MAP3K9: variants seen among roughly 807,000 people sequenced by gnomAD.
MAP3K9 encodes the protein mixed lineage kinase 1 (tyr and ser/thr specificity).
A neutral mutation model predicts 95.8 loss-of-function variants in MAP3K9; 46 were observed. The ratio of observed to expected loss-of-function variants is 0.48; its 90% CI spans 0.38 to 0.61. The LOEUF (loss-of-function observed/expected upper bound fraction) is 0.61, where lower values mean the gene tolerates loss of function less well. MAP3K9 is among the 20% of genes least tolerant of loss of function. MAP3K9 has a pLI of 0.00. For synonymous variants in MAP3K9, 533 were observed against 593.8 expected, an observed-to-expected ratio of 0.90 and a Z score of 1.49; for missense variants, 1,296 against 1,474.3, an observed-to-expected ratio of 0.88 and a Z score of 1.98.
Position 70,809,210 on chromosome 14 carries a change from C to T in MAP3K9, c.-39G>A. ...CATAGGGTGCGGGGCCGCCGCCGCC[C>T]GCAGGAGCCGCCGCCGCCTATTGTT... On this transcript the variant is annotated 5_prime_UTR_variant, in exon 1 of 12. Transcript: ENST00000554752. 2.3e-6 allele frequency: 3 copies of T among 1,280,398 alleles called. No homozygotes were observed. Among genetic ancestry groups the T allele is most frequent in the South Asian group, 2.9e-5 (1 of 34,792 alleles). 79.3% of individuals were successfully genotyped at this position (1,280,398 alleles called of 1,614,324 possible). A position where few individuals can be genotyped will look rare whatever the true frequency, so the allele number is the denominator to read the frequency against.
chr14:70,760,092 T>C (rs2054350992), intron 3 of MAP3K9, among the ~76,000 whole-genome samples: 1 of 151,668 alleles, frequency 6.6e-6, no homozygotes, highest in Non-Finnish European at 1.5e-5. Context: ...GGATTAGCTT[T>C]ACGGTATGTG....
chr14:70,762,503 G>C (rs2054389679), intron 2 of MAP3K9, among the ~76,000 whole-genome samples: 1 of 152,076 alleles, frequency 6.6e-6, no homozygotes, highest in Non-Finnish European at 1.5e-5. Context: ...TAATGATATT[G>C]AACATCTATC....
At chr14:70,736,160 C>G in intron 8 of MAP3K9, 131 bp from the exon 9 acceptor site, 1 of 705,988 alleles carries the variant, frequency 1.4e-6, no homozygotes, top group East Asian at 2.7e-5. Flanking sequence ...AGACACAAAG[C>G]CCACACCATG....
chr14:70,780,797 G>C (rs2054665010), intron 2 of MAP3K9, among the ~76,000 whole-genome samples: 1 of 152,186 alleles, frequency 6.6e-6, no homozygotes, highest in Non-Finnish European at 1.5e-5. Flanking sequence ...AGAGCTGCCA[G>C]ATCTCCGTCA....
intron 6 of MAP3K9, 78 bp downstream of exon 6, chr14:70,742,273 T>G: frequency 1.3e-6 from 2 of 1,550,918 alleles, no homozygotes; most frequent in South Asian, 2.5e-5. Context: ...CCAAGCTCAG[T>G]CCCGGACTCC....
chr14:70,761,564 A>G (rs2054375663), intron 2 of MAP3K9, among the ~76,000 whole-genome samples: 1 of 152,186 alleles, frequency 6.6e-6, no homozygotes, highest in African/African-American at 2.4e-5. Context: ...GGAGTTTGAC[A>G]CCTGCCTGGC....
rs1292893278 is a variant in MAP3K9 at position 70,732,862 on chromosome 14, G to A, written c.2507C>T (p.Ser836Phe). The A allele has an allele frequency of 6.2e-7, 1 of 1,613,962 alleles. No individual in the cohort carries two copies. The highest frequency in any genetic ancestry group is 8.5e-7 in the Non-Finnish European group (1 of 1,179,878). ...GTTGCACTCGGAGATGGAGGAGAGG[G>A]AGAGCAGCGTCAGGGAGGCAGAGGG... is the stretch of plus-strand genomic sequence containing the variant. ...GDPSASLTLL[S>F]LSSISECNST... The change falls in exon 11 of 12, where the codon TCC becomes TTC. Residue 836 changes from serine (S) to phenylalanine (F), a missense_variant. Around this residue, in one of 5 missense-constraint regions of MAP3K9, gnomAD observed 433 missense variants for 441.4 expected, o/e 0.98. Coordinates refer to ENST00000554752, the MANE Select transcript of MAP3K9 (RefSeq NM_001284230.2).
chr14:70,774,843 G>A (rs1366827498), intron 2 of MAP3K9, among the ~76,000 whole-genome samples: 1 of 151,562 alleles, frequency 6.6e-6, no homozygotes, highest in Non-Finnish European at 1.5e-5. Context: ...AAATTAGCTG[G>A]GCATGGTGGC....
chr14:70,730,716 A>G lies in MAP3K9; in HGVS notation c.2979T>C (p.Pro993=). ...LERPKTLEFL[P]RPRPSANRQR... ...GCCGGTTGGCAGAAGGACGCGGCCG[A>G]GGCAGAAACTCCAGAGTCTTGGGTC... is the stretch of plus-strand genomic sequence containing the variant. The change falls in exon 12 of 12, where the codon CCT becomes CCC. Residue 993 remains proline (P), a synonymous_variant. Coordinates refer to ENST00000554752, the MANE Select transcript of MAP3K9 (RefSeq NM_001284230.2). 6.2e-7 allele frequency: 1 copy of G among 1,613,818 alleles called. No individual in the cohort carries two copies. Among genetic ancestry groups the G allele is most frequent in the Non-Finnish European group, 8.5e-7 (1 of 1,180,016 alleles).
At chr14:70,740,475 T>A (rs75095395) in intron 6 of MAP3K9, among the ~76,000 whole-genome samples, 44 of 152,342 alleles carry the variant, frequency 2.9e-4, no homozygotes, top group Admixed American at 6.5e-4. Flanking sequence ...TCATGAGATG[T>A]TGTTGATTAT....
intron 3 of MAP3K9, among the ~76,000 whole-genome samples, chr14:70,755,558 C>A (rs1372471131): frequency 6.6e-6 from 1 of 152,218 alleles, no homozygotes; most frequent in Non-Finnish European, 1.5e-5. Flanking sequence ...ACATTTACCA[C>A]AGACCCTAGC....
chr14:70,732,941 G>C lies in MAP3K9; in HGVS notation c.2428C>G (p.Pro810Ala), dbSNP rs2053930729. 1 of 1,613,958 alleles carries C rather than the reference G, an allele frequency of 6.2e-7. No individual in the cohort carries two copies. Among genetic ancestry groups the C allele is most frequent in the African/African-American group, 1.3e-5 (1 of 74,892 alleles). Residue 810 changes from proline to alanine, a missense_variant, in exon 11 of 12, where the codon CCC becomes GCC. Physicochemically the swap from Pro to Ala is conservative, Grantham distance 27 (BLOSUM62 -1). Coordinates refer to ENST00000554752, the MANE Select transcript of MAP3K9 (RefSeq NM_001284230.2). ...TTCTTGAAAAGCTTTCGGGATGGGG[G>C]GCTGGTGCTCCGACGAGGACGGCTG... ...RSSRPRRSTS[P>A]PSRKLFKKEE...
chr14:70,793,652 T>TTTCTTTCA (rs148795948), intron 2 of MAP3K9, among the ~76,000 whole-genome samples: 1 of 150,376 alleles, frequency 6.6e-6, no homozygotes, highest in African/African-American at 2.5e-5. Flanking sequence ...TCACATGATA[T>TTTCTTTCA]TTCATTCATT....
intron 10 of MAP3K9, 25 bp downstream of exon 10, chr14:70,734,361 G>T: frequency 6.5e-7 from 1 of 1,531,338 alleles, no homozygotes; most frequent in Non-Finnish European, 9.1e-7. Flanking sequence ...AGACAGCCAA[G>T]ACTCTCAAGA....
At chr14:70,805,153 A>T (rs2054976595) in intron 1 of MAP3K9, among the ~76,000 whole-genome samples, 1 of 152,218 alleles carries the variant, frequency 6.6e-6, no homozygotes, top group Non-Finnish European at 1.5e-5. Context: ...TTTAAAGTCA[A>T]GATGTTATTC....
Position 70,734,380 on chromosome 14 carries a change from G to A in MAP3K9, c.2026+6C>T, listed in dbSNP as rs376500235. The A allele has an allele frequency of 1.2e-6, 2 of 1,600,968 alleles. No homozygotes were observed. The highest frequency in any genetic ancestry group is 1.1e-5 in the South Asian group (1 of 90,844). On this transcript the variant is annotated splice_donor_region_variant and intron_variant, in intron 10 of 11. Coordinates refer to ENST00000554752, the MANE Select transcript of MAP3K9 (RefSeq NM_001284230.2). ...AGCCAAGACTCTCAAGAGGAGCTAT[G>A]CTTACCCATCTCCATAAGGCTGGTG... is the stretch of plus-strand genomic sequence containing the variant.
rs761563765 is a variant in MAP3K9 at position 70,732,523 on chromosome 14, G to A, written c.2830+16C>T. The A allele has an allele frequency of 6.6e-7, 1 of 1,524,734 alleles. No homozygotes were observed. The highest frequency in any genetic ancestry group is 2.3e-5 in the East Asian group (1 of 43,314). 94.5% of individuals were successfully genotyped at this position (1,524,734 alleles called of 1,614,324 possible). On this transcript the variant is annotated intron_variant, in intron 11 of 11. Coordinates refer to ENST00000554752, the MANE Select transcript of MAP3K9 (RefSeq NM_001284230.2). ...AGGCACAAAGAAAGGAAAGAGAAAAGAGGAAGAAGACTCACCTGCTCCAGG... is the reference window on the plus strand; with the variant it reads ...AGGCACAAAGAAAGGAAAGAGAAAAAAGGAAGAAGACTCACCTGCTCCAGG...
chr14:70,777,028 A>C (rs2054608502), intron 2 of MAP3K9, among the ~76,000 whole-genome samples: 1 of 151,058 alleles, frequency 6.6e-6, no homozygotes, highest in Non-Finnish European at 1.5e-5. Flanking sequence ...ACAGGGTTTC[A>C]CCTTGTTGGC....
At chr14:70,786,680 C>T (rs1022488008) in intron 2 of MAP3K9, among the ~76,000 whole-genome samples, 9 of 152,118 alleles carry the variant, frequency 5.9e-5, no homozygotes, top group South Asian at 2.1e-4. Context: ...GTTCCATTGT[C>T]GGGCTAAAAG....
Sources: allele counts gnomAD v4.1 joint callset (sites outside exome capture counted in the v4.1 genomes callset), GRCh38; gene constraint gnomAD v4.1.1; regional missense constraint gnomAD v4.1.1; transcripts MANE v1.5; gene names NCBI Gene and HGNC (gene_info 2026-07-23, HGNC 2026-07-21).